Variants in DIP2B observed in about 807,000 individuals in gnomAD.
DIP2B encodes the protein DIP2 acetate--CoA ligase B (putative).
In DIP2B, 76 loss-of-function variants were observed where a neutral mutation model predicts 198.0. The ratio of observed to expected loss-of-function variants is 0.38; its 90% CI spans 0.32 to 0.46. The LOEUF is 0.46. DIP2B is among the 20% of genes least tolerant of loss of function. The probability of loss-of-function intolerance (pLI) is 0.99; values close to 1 mark genes in which losing one functional copy is unlikely to be tolerated. For synonymous variants in DIP2B, 701 were observed against 739.1 expected, an observed-to-expected ratio of 0.95 and a Z score of 0.84; for missense variants, 1,559 against 1,978.4, an observed-to-expected ratio of 0.79 and a Z score of 4.02.
At chr12:50,603,282 G>T (rs1958954274) in intron 1 of DIP2B, among the ~76,000 whole-genome samples, 1 of 152,144 alleles carries the variant, frequency 6.6e-6, no homozygotes, top group African/African-American at 2.4e-5. Context: ...CATAAGCAAA[G>T]AATATAGTGT....
At chr12:50,600,132 A>C (rs893418909) in intron 1 of DIP2B, among the ~76,000 whole-genome samples, 2 of 152,254 alleles carry the variant, frequency 1.3e-5, no homozygotes, top group Admixed American at 6.5e-5. Flanking sequence ...ACTCATTCAG[A>C]GTAGGAGACA....
chr12:50,680,894 T>C (rs1299150800), intron 9 of DIP2B, 131 bp downstream of exon 9: 5 of 931,746 alleles, frequency 5.4e-6, no homozygotes. Context: ...AAAATAAAAA[T>C]GGTTTGGTTC....
rs538105038 is a variant in DIP2B, at chr12:50,718,878, G to A, written c.2961+60G>A. 579 of 1,610,802 alleles carry A rather than the reference G, an allele frequency of 3.6e-4. 2 individuals carry two copies. In the African/African-American group the frequency reaches 7.0e-3, roughly 19 times the overall value. On this transcript the variant is annotated intron_variant, in intron 24 of 37. Transcript: ENST00000301180. The stretch of plus-strand genomic sequence containing the variant: ...AAGTCAAGGACAGAACTTACTGCAG[G>A]TAGCAGCTGGGGGATGCATTATATG...
At chr12:50,721,988 G>GTGAGTTTTGAAGGGGTGT (rs1195775411) in intron 26 of DIP2B, among the ~76,000 whole-genome samples, 2 of 152,138 alleles carry the variant, frequency 1.3e-5, no homozygotes, top group African/African-American at 4.8e-5. Flanking sequence ...TTGAAGGGGT[G>GTGAGTTTTGAAGGGGTGT]TGAGTTTTCA....
intron 1 of DIP2B, among the ~76,000 whole-genome samples, chr12:50,549,197 G>A (rs1419651547): frequency 6.6e-6 from 1 of 151,228 alleles, no homozygotes; most frequent in Admixed American, 6.6e-5. Flanking sequence ...GGCTGGGCGC[G>A]GTGGCTCATG....
chr12:50,517,624 CA>C (rs1738580965), intron 1 of DIP2B, among the ~76,000 whole-genome samples: 2 of 152,184 alleles, frequency 1.3e-5, no homozygotes, highest in Non-Finnish European at 2.9e-5. Flanking sequence ...CTCTCAGTCA[CA>C]GGATAAACTC....
intron 1 of DIP2B, among the ~76,000 whole-genome samples, chr12:50,606,013 T>C (rs1198847438): frequency 2.0e-5 from 3 of 150,694 alleles, no homozygotes; most frequent in African/African-American, 7.3e-5. Context: ...AGTAGAGACA[T>C]TGTTTCGCCA....
intron 1 of DIP2B, among the ~76,000 whole-genome samples, chr12:50,590,525 A>G (rs1220929043): frequency 2.0e-5 from 3 of 152,080 alleles, no homozygotes; most frequent in African/African-American, 7.2e-5. Flanking sequence ...ACGCACCACC[A>G]TGCCCAGCTA....
In DIP2B at chr12:50,691,134, C is replaced by T. The variant is rs1222357316; in HGVS notation, c.1637C>T (p.Ala546Val). The stretch of plus-strand genomic sequence containing the variant: ...TCTCACTGCCAAGCTCTGTCGCAGG[C>T]CTGCAATTATTCTGAAGGTCAGACC... ...MLSHCQALSQ[A>V]CNYSEGETIV... Residue 546 changes from alanine to valine, a missense_variant, in exon 13 of 38, where the codon GCC becomes GTC. Transcript: ENST00000301180. 2 of 1,614,078 alleles carry T rather than the reference C, an allele frequency of 1.2e-6. No homozygotes were observed. Among genetic ancestry groups the T allele is most frequent in the Non-Finnish European group, 1.7e-6 (2 of 1,179,982 alleles).
chr12:50,614,736 C>G (rs1457892795), intron 1 of DIP2B, among the ~76,000 whole-genome samples: 1 of 152,190 alleles, frequency 6.6e-6, no homozygotes, highest in East Asian at 1.9e-4. Context: ...GACTTGAACA[C>G]AAGTTTATAA....
At chr12:50,673,059 TTGTC>T (rs1938882113) in intron 5 of DIP2B, among the ~76,000 whole-genome samples, 1 of 152,228 alleles carries the variant, frequency 6.6e-6, no homozygotes, top group Non-Finnish European at 1.5e-5. Flanking sequence ...CTTTGTACAT[TTGTC>T]TGATTATTTC....
chr12:50,540,450 A>G (rs1958313238), intron 1 of DIP2B, among the ~76,000 whole-genome samples: 1 of 150,662 alleles, frequency 6.6e-6, no homozygotes, highest in South Asian at 2.1e-4. Flanking sequence ...TTAAAAATAT[A>G]TTTACATCTT....
At chr12:50,703,929 T>A (rs1028007454) in intron 19 of DIP2B, among the ~76,000 whole-genome samples, 4 of 150,272 alleles carry the variant, frequency 2.7e-5, no homozygotes, top group Non-Finnish European at 4.4e-5. Context: ...TTTATATGTT[T>A]TATATATATA....
At chr12:50,726,602 C>G (rs1334869084) in intron 28 of DIP2B, among the ~76,000 whole-genome samples, 1 of 151,900 alleles carries the variant, frequency 6.6e-6, no homozygotes, top group Non-Finnish European at 1.5e-5. Context: ...CTACCTGCCT[C>G]GGCCTTCCAG....
chr12:50,724,791 G>A lies in DIP2B; in HGVS notation c.3305G>A (p.Cys1102Tyr), dbSNP rs150421606. The change falls in exon 28 of 38, where the codon TGT (cysteine) becomes TAT (tyrosine). Residue 1102 changes from cysteine to tyrosine, a missense_variant. By Grantham distance (194) the Cys-to-Tyr change is radical. Transcript: ENST00000301180. ...GTTTTCTAGGTCAGCAAAGCAGCCT[G>A]TATTCTCACCAGTCAGACCCTAATG... ...RMIVDVSKAACILTSQTLMRL... is the reference protein window; with the variant it reads ...RMIVDVSKAAYILTSQTLMRL... 1.9e-6 allele frequency: 3 copies of A among 1,613,998 alleles called. No homozygotes were observed. Among genetic ancestry groups the A allele is most frequent in the African/African-American group, 2.7e-5 (2 of 74,914 alleles).
intron 1 of DIP2B, among the ~76,000 whole-genome samples, chr12:50,560,750 C>CA (rs768843010): frequency 2.8e-4 from 42 of 149,516 alleles, no homozygotes; most frequent in East Asian, 2.3e-3. Flanking sequence ...GACCCTGTCT[C>CA]AAAAAAAAAT....
intron 1 of DIP2B, among the ~76,000 whole-genome samples, chr12:50,512,700 C>T (rs1482586605): frequency 6.6e-6 from 1 of 152,002 alleles, no homozygotes; most frequent in Non-Finnish European, 1.5e-5. Flanking sequence ...GTATGAGTTT[C>T]ATCAACATTT....
At chr12:50,657,887 A>G (rs981723025) in intron 3 of DIP2B, among the ~76,000 whole-genome samples, 109 of 152,104 alleles carry the variant, frequency 7.2e-4, no homozygotes, top group Admixed American at 7.2e-4. Flanking sequence ...AAAAGGTGGG[A>G]GGGAAAACCT....
intron 1 of DIP2B, among the ~76,000 whole-genome samples, chr12:50,548,094 G>A (rs919667426): frequency 9.2e-5 from 14 of 152,000 alleles, no homozygotes; most frequent in African/African-American, 3.4e-4. Context: ...TAAATAAAAT[G>A]TGTATATATT....
Sources: gnomAD v4.1 joint callset for allele counts (sites outside exome capture counted in the v4.1 genomes callset) on GRCh38, gnomAD v4.1.1 for gene constraint, MANE v1.5 for transcripts, NCBI Gene and HGNC (gene_info 2026-07-23, HGNC 2026-07-21) for gene names.